The following ATXN1 variants were observed in gnomAD, a reference collection of about 807,000 sequenced individuals.
ATXN1 encodes the protein ataxin 1.
Under a neutral mutation model 56.4 loss-of-function variants are expected in ATXN1, and 8 were observed. The ratio of observed to expected loss-of-function variants is 0.14; its 90% CI spans 0.08 to 0.26. The LOEUF (loss-of-function observed/expected upper bound fraction) is 0.26. Ranked by LOEUF, ATXN1 falls within the 10% of genes least tolerant of loss-of-function variation. ATXN1 has a pLI of 1.00. For synonymous variants in ATXN1, 514 were observed against 494.6 expected (o/e 1.04, Z -0.52); for missense variants, 987 against 1,106.5 (o/e 0.89, Z 1.53).
intron 5 of ATXN1, among the ~76,000 whole-genome samples, chr6:16,509,637 C>G (rs1459929833): frequency 6.6e-6 from 1 of 152,162 alleles, no homozygotes; most frequent in Non-Finnish European, 1.5e-5. Flanking sequence ...GTCCTATCTA[C>G]TACTCCTTCT....
rs542440398 is a variant in ATXN1 at position 16,631,091 on chromosome 6, C to T, written c.-489+26685G>A. Among the ~76,000 whole-genome samples the T allele has an allele frequency of 2.0e-5, 3 of 152,340 alleles. No individual in the cohort carries two copies. In the East Asian group the frequency reaches 5.8e-4, roughly 29 times the overall value. On this transcript the variant is annotated intron_variant, in intron 3 of 7. Coordinates refer to ENST00000436367, the MANE Select transcript of ATXN1 (RefSeq NM_001128164.2). ...ACACTCGTGTGTGCCTGGCACTGCG[C>T]TGACTGCCGTATGTGCAGCAGTCCT...
chr6:16,535,744 G>A (rs958929488), intron 4 of ATXN1, among the ~76,000 whole-genome samples: 6 of 152,218 alleles, frequency 3.9e-5, no homozygotes, highest in Non-Finnish European at 7.3e-5. Flanking sequence ...AAGGGTGTGT[G>A]TGAGTGTGTC....
chr6:16,566,664 G>T (rs236944), intron 4 of ATXN1, among the ~76,000 whole-genome samples: 130,662 of 151,916 alleles, frequency 0.86, 56,367 homozygotes, highest in South Asian at 0.95. Flanking sequence ...CCATCCTGGC[G>T]AACACTGTGA....
At chr6:16,669,269 T>C in intron 2 of ATXN1, among the ~76,000 whole-genome samples, 1 of 152,336 alleles carries the variant, frequency 6.6e-6, no homozygotes, top group African/African-American at 2.4e-5. Flanking sequence ...ACTTTCTGCC[T>C]TGAATGGTGC....
rs1354753630 is a variant in ATXN1 at position 16,327,612 on chromosome 6, G to A, written c.699C>T (p.Leu233=). 47 of 1,588,682 alleles carry A rather than the reference G, an allele frequency of 3.0e-5. No homozygotes were observed. Among genetic ancestry groups the A allele is most frequent in the Non-Finnish European group, 3.6e-5 (42 of 1,169,048 alleles). Residue 233 remains leucine (L), a synonymous_variant, in exon 7 of 8, where the codon CTC becomes CTT. Transcript: ENST00000436367. ...QQQHLSRAPG[L]ITPGSPPPAQ... ...CTGGTGGGGGGGACCCCGGGGTGAT[G>A]AGCCCCGGAGCCCTGCTGAGGTGCT... is the stretch of plus-strand genomic sequence containing the variant.
intron 6 of ATXN1, among the ~76,000 whole-genome samples, chr6:16,348,620 G>A (rs778853347): frequency 1.6e-4 from 25 of 151,996 alleles, no homozygotes; most frequent in South Asian, 6.2e-4. Context: ...ACTTGAACCC[G>A]CGAGGTGGAG....
chr6:16,478,618 T>C (rs1482099836), intron 6 of ATXN1, among the ~76,000 whole-genome samples: 1 of 152,228 alleles, frequency 6.6e-6, no homozygotes, highest in Non-Finnish European at 1.5e-5. Context: ...TTCTCTTTGT[T>C]CTGCAGGGTG....
intron 2 of ATXN1, among the ~76,000 whole-genome samples, chr6:16,674,461 T>C (rs536325880): frequency 6.7e-6 from 1 of 148,666 alleles, no homozygotes; most frequent in Non-Finnish European, 1.5e-5. Context: ...GCGATTCTCC[T>C]GCCTCAGCCT....
rs1485154917 is a variant in ATXN1 at position 16,299,522 on chromosome 6, A to AAAAC, written c.*6803_*6806dup. On this transcript the variant is annotated 3_prime_UTR_variant, in exon 8 of 8. Coordinates refer to ENST00000436367, the MANE Select transcript of ATXN1 (RefSeq NM_001128164.2). ...TAAAATTTTCTTTTCAATAAGGTGC[A>AAAAC]AAACATCATTCCTTCCCTAGTTCTC... The AAAAC allele has an allele frequency of 3.9e-5, 6 of 152,684 alleles. No individual in the cohort carries two copies. The highest frequency in any genetic ancestry group is 1.4e-4 in the African/African-American group (6 of 41,460). 9.5% of individuals were successfully genotyped at this position (152,684 alleles called of 1,614,324 possible). A position where few individuals can be genotyped will look rare whatever the true frequency, so the allele number is the denominator to read the frequency against.
Position 16,314,639 on chromosome 6 carries a change from G to A in ATXN1, c.1918-7780C>T, listed in dbSNP as rs140087096. 1.1e-4 allele frequency among the ~76,000 whole-genome samples: 16 copies of A among 150,956 alleles called. No homozygotes were observed. The East Asian group carries it at 2.9e-3, about 27-fold the overall frequency. ...TTATTATTATTTTTTTTTTTGAGAT[G>A]GAGTCTTGCTCTGTTGCCCAGGCTG... On this transcript the variant is annotated intron_variant, in intron 7 of 7. Coordinates refer to ENST00000436367, the MANE Select transcript of ATXN1 (RefSeq NM_001128164.2).
intron 4 of ATXN1, among the ~76,000 whole-genome samples, chr6:16,543,019 G>A (rs1374805690): frequency 2.0e-5 from 3 of 152,042 alleles, no homozygotes; most frequent in Non-Finnish European, 2.9e-5. Flanking sequence ...GGGGTGGGGG[G>A]AACTACTGTA....
chr6:16,551,336 C>T (rs1396983276), intron 4 of ATXN1, among the ~76,000 whole-genome samples: 1 of 152,152 alleles, frequency 6.6e-6, no homozygotes. Context: ...TCATGACAGG[C>T]CCCAACATTC....
chr6:16,542,881 A>T (rs1339415967), intron 4 of ATXN1, among the ~76,000 whole-genome samples: 1 of 152,240 alleles, frequency 6.6e-6, no homozygotes. Context: ...ATTATACTGT[A>T]CTAAAAGTTA....
Position 16,326,563 on chromosome 6 carries a change from G to A in ATXN1, c.1748C>T (p.Ala583Val), listed in dbSNP as rs1428336701. The change falls in exon 7 of 8, where the codon GCC (alanine) becomes GTC (valine). Residue 583 changes from alanine (A) to valine (V), a missense_variant. Ala to Val is a moderately conservative substitution (Grantham distance 64, BLOSUM62 0). Coordinates refer to ENST00000436367, the MANE Select transcript of ATXN1 (RefSeq NM_001128164.2). The surrounding 1 kb of genome is among the most constrained non-coding windows in gnomAD (Gnocchi z 6.6). ...YFMKGSIIQL[A>V]NGELKKVEDL... ...TTCCACCTTCTTTAGCTCCCCGTTG[G>A]CCAACTGGATGATGGAGCCTTTCAT... 1 of 1,614,142 alleles carries A rather than the reference G, an allele frequency of 6.2e-7. No individual in the cohort carries two copies. The highest frequency in any genetic ancestry group is 1.7e-5 in the Admixed American group (1 of 60,012).
intron 1 of ATXN1, among the ~76,000 whole-genome samples, chr6:16,759,444 C>T (rs1285557916): frequency 2.0e-5 from 3 of 151,056 alleles, no homozygotes; most frequent in Non-Finnish European, 4.4e-5. Context: ...GGAGTCCCTA[C>T]TGCACAGCAT....
intron 6 of ATXN1, among the ~76,000 whole-genome samples, chr6:16,462,845 G>T (rs375614327): frequency 6.6e-6 from 1 of 151,918 alleles, no homozygotes; most frequent in Non-Finnish European, 1.5e-5. Flanking sequence ...CACCCAAACC[G>T]CTCTATTCAG....
At chr6:16,633,845 A>G (rs1046190455) in intron 3 of ATXN1, among the ~76,000 whole-genome samples, 2 of 152,184 alleles carry the variant, frequency 1.3e-5, no homozygotes, top group Non-Finnish European at 2.9e-5. Flanking sequence ...GAAAAAGGAC[A>G]TTTACGCTTG....
chr6:16,639,128 A>T (rs1410358635), intron 3 of ATXN1, among the ~76,000 whole-genome samples: 1 of 152,228 alleles, frequency 6.6e-6, no homozygotes, highest in African/African-American at 2.4e-5. Flanking sequence ...AGAATGGACC[A>T]ATCAGCAGGA....
chr6:16,565,796 T>C (rs1751942472), intron 4 of ATXN1, among the ~76,000 whole-genome samples: 1 of 152,200 alleles, frequency 6.6e-6, no homozygotes, highest in Non-Finnish European at 1.5e-5. Flanking sequence ...TGTTCAGCCC[T>C]GAAGACACAG....
Sources: allele counts gnomAD v4.1 joint callset (sites outside exome capture counted in the v4.1 genomes callset), GRCh38; gene constraint gnomAD v4.1.1; non-coding constraint Gnocchi (gnomAD v3.1); transcripts MANE v1.5; gene names NCBI Gene and HGNC (gene_info 2026-07-23, HGNC 2026-07-21).